NPIPB2: variants seen among roughly 807,000 people sequenced by gnomAD.
NPIPB2 encodes the protein nuclear pore complex interacting protein family member B2.
NPIPB2 carries 27 observed loss-of-function variants against 30.8 expected under a neutral mutation model. The observed-to-expected ratio is 0.88, with a 90% CI of 0.65 to 1.21. The LOEUF is 1.21. Ranked by LOEUF, NPIPB2 falls within the 50% of genes most tolerant of loss-of-function variation. The pLI is 0.00. For missense variants in NPIPB2, 440 were observed against 446.2 expected, an observed-to-expected ratio of 0.99 and a Z score of 0.13; for synonymous variants, 147 against 162.0, an observed-to-expected ratio of 0.91 and a Z score of 0.70.
Position 11,930,564 on chromosome 16 carries a change from G to C in NPIPB2, c.489-13C>G, listed in dbSNP as rs769445484. On this transcript the variant is annotated splice_polypyrimidine_tract_variant and intron_variant, in intron 4 of 7. Transcript: ENST00000399147. ...CACGCTTAGTTTCCTCAGATTAGAAGGGAGAGAAATGCACACACATGATCC... is the reference window on the plus strand; with the variant it reads ...CACGCTTAGTTTCCTCAGATTAGAACGGAGAGAAATGCACACACATGATCC... 1.3e-6 allele frequency: 2 copies of C among 1,557,316 alleles called. No homozygotes were observed. Among genetic ancestry groups the C allele is most frequent in the South Asian group, 1.2e-5 (1 of 86,034 alleles).
chr16:11,939,224 G>A (rs2054906611), intron 1 of NPIPB2, among the ~76,000 whole-genome samples: 1 of 151,128 alleles, frequency 6.6e-6, no homozygotes, highest in African/African-American at 2.4e-5. Context: ...ACAATGAAGA[G>A]ATTACTTCAT....
intron 1 of NPIPB2, among the ~76,000 whole-genome samples, chr16:11,955,378 G>C (rs529345237): frequency 1.4e-4 from 20 of 140,752 alleles, no homozygotes; most frequent in Non-Finnish European, 2.9e-4. Flanking sequence ...AAAAAAAAAG[G>C]TTTCGGGATT....
intron 1 of NPIPB2, among the ~76,000 whole-genome samples, chr16:11,951,064 G>T (rs916726220): frequency 2.6e-5 from 4 of 151,996 alleles, no homozygotes; most frequent in Non-Finnish European, 5.9e-5. Flanking sequence ...AAATCAATTT[G>T]ACATCTCTCT....
intron 1 of NPIPB2, chr16:11,941,249 G>C (rs1481714102): frequency 2.0e-6 from 3 of 1,520,746 alleles, no homozygotes; most frequent in Non-Finnish European, 2.7e-6. Flanking sequence ...CGCATGTCCT[G>C]GTCCTTTCAG....
upstream of NPIPB2, among the ~76,000 whole-genome samples, chr16:11,944,310 G>A (rs2054978478): frequency 6.6e-6 from 1 of 151,578 alleles, no homozygotes; most frequent in South Asian, 2.1e-4. Context: ...GGGACTATAG[G>A]CGCGTGCCAC....
At chr16:11,966,249 T>C in intron 1 of NPIPB2, 1 of 1,614,060 alleles carries the variant, frequency 6.2e-7, no homozygotes, top group South Asian at 1.1e-5. Flanking sequence ...TGTTTGGGAC[T>C]GAGCTTAATA....
In NPIPB2 at chr16:11,973,569, ATTTAT is replaced by A. The variant is rs374610387; in HGVS notation, c.-584+2994_-584+2998del. ...AACAGAGTTCAGCAGCTTATAAATT[ATTTAT>A]TTTATTTTTTGAGACAGAGTTTTGT... is the stretch of plus-strand genomic sequence containing the variant. On this transcript the variant is annotated intron_variant, in intron 1 of 5. Transcript: ENST00000538896. Among the ~76,000 whole-genome samples, 119 of 152,230 alleles carry A rather than the reference ATTTAT, an allele frequency of 7.8e-4. 1 individual carries two copies. Among genetic ancestry groups the A allele is most frequent in the African/African-American group, 2.8e-3 (118 of 41,558 alleles).
intron 1 of NPIPB2, chr16:11,968,844 C>G (rs577294387): frequency 1.6e-4 from 25 of 151,900 alleles, no homozygotes; most frequent in African/African-American, 5.6e-4. Context: ...TTCTGTAGAT[C>G]TCAGTAACCA....
chr16:11,927,483 ATTCCACCTCAGCGGCCCTCCG>A (rs772838065), exon 8 of NPIPB2: 4 of 1,239,962 alleles, frequency 3.2e-6, no homozygotes, highest in Non-Finnish European at 4.2e-6. Flanking sequence ...TCGGGTGGTG[ATTCCACCTCAGCGGCCCTCCG>A]CCTCTTGGGT....
rs968956540 is a variant in NPIPB2 at position 11,959,769 on chromosome 16, T to C, written c.-584+16799A>G. On this transcript the variant is annotated intron_variant, in intron 1 of 5. Coordinates refer to the NPIPB2 transcript ENST00000538896. Reference sequence around the variant, plus strand: ...CTGTCTATTCAGACACTACCTATTTTATTTTTTTAAATTTTATTTTATTTG... The same window carrying C: ...CTGTCTATTCAGACACTACCTATTTCATTTTTTTAAATTTTATTTTATTTG... 2.6e-5 allele frequency among the ~76,000 whole-genome samples: 4 copies of C among 152,172 alleles called. No homozygotes were observed. In the East Asian group the frequency reaches 7.7e-4, roughly 29 times the overall value.
At chr16:11,974,122 C>A (rs1191628254) in intron 1 of NPIPB2, among the ~76,000 whole-genome samples, 1 of 152,060 alleles carries the variant, frequency 6.6e-6, no homozygotes, top group East Asian at 1.9e-4. Context: ...GTGTTATGGG[C>A]GAGGCCAGAG....
At chr16:11,967,726 C>T (rs1439948921) in intron 1 of NPIPB2, 1 of 1,614,210 alleles carries the variant, frequency 6.2e-7, no homozygotes, top group Non-Finnish European at 8.5e-7. Context: ...CATTGCTTTC[C>T]ACTCCCAGCT....
At chr16:11,935,441 G>C (rs1450699596) in intron 2 of NPIPB2, among the ~76,000 whole-genome samples, 4 of 152,176 alleles carry the variant, frequency 2.6e-5, no homozygotes, top group Non-Finnish European at 5.9e-5. Context: ...AGCCTCCCAA[G>C]TAGCTGGGAT....
intron 1 of NPIPB2, among the ~76,000 whole-genome samples, chr16:11,975,667 TGAAA>T (rs1220640581): frequency 6.6e-6 from 1 of 151,768 alleles, no homozygotes; most frequent in Non-Finnish European, 1.5e-5. Context: ...CTCGGCTCAC[TGAAA>T]CCTCTGCCTC....
rs563227803 is a variant in NPIPB2, at chr16:11,958,960, G to A, written c.-583-16846C>T. On this transcript the variant is annotated intron_variant, in intron 1 of 5. Coordinates refer to the NPIPB2 transcript ENST00000538896. ...ACCAGTGGATCTAGAAGTCAGGAATGTCTGTTTGCCAAAGTGGGGCTCTGC... is the reference window on the plus strand; with the variant it reads ...ACCAGTGGATCTAGAAGTCAGGAATATCTGTTTGCCAAAGTGGGGCTCTGC... 6.2e-4 allele frequency among the ~76,000 whole-genome samples: 95 copies of A among 152,332 alleles called. 1 individual carries two copies. Among genetic ancestry groups the A allele is most frequent in the African/African-American group, 2.2e-3 (93 of 41,588 alleles).
chr16:11,931,489 A>G (rs2054790000), intron 4 of NPIPB2, among the ~76,000 whole-genome samples: 1 of 151,908 alleles, frequency 6.6e-6, no homozygotes. Flanking sequence ...CTTGTTTCTG[A>G]CCACAAGGCA....
chr16:11,938,573 T>C (rs1416079647), intron 1 of NPIPB2, among the ~76,000 whole-genome samples: 2 of 151,716 alleles, frequency 1.3e-5, no homozygotes, highest in South Asian at 4.2e-4. Flanking sequence ...TCAGGTAATC[T>C]GCCCGCCTCA....
chr16:11,965,232 C>A, intron 1 of NPIPB2: 2 of 1,533,934 alleles, frequency 1.3e-6, no homozygotes, highest in Non-Finnish European at 1.8e-6. Context: ...ATTCTAGCTG[C>A]TCTTGCTGCA....
chr16:11,949,260 G>A (rs975923986), intron 1 of NPIPB2, among the ~76,000 whole-genome samples: 2 of 152,156 alleles, frequency 1.3e-5, no homozygotes, highest in African/African-American at 4.8e-5. Context: ...TTTTATTACT[G>A]TGCACGTCGG....
Sources: allele counts gnomAD v4.1 joint callset (sites outside exome capture counted in the v4.1 genomes callset), GRCh38; gene constraint gnomAD v4.1.1; transcripts MANE v1.5; gene names NCBI Gene and HGNC (gene_info 2026-07-23, HGNC 2026-07-21).